The following GBE1 variants were observed in gnomAD, a reference collection of about 807,000 sequenced individuals.
GBE1 encodes the protein 1,4-alpha-glucan branching enzyme 1, also known as 1,4-alpha-glucan-branching enzyme.
GBE1 carries 70 observed loss-of-function variants against 88.8 expected under a neutral mutation model. The observed-to-expected ratio is 0.79, with a 90% CI of 0.65 to 0.96. GBE1 has a LOEUF of 0.96. GBE1 is among the 40% of genes least tolerant of loss of function. GBE1 has a pLI of 0.00. For missense variants in GBE1, 872 were observed against 871.0 expected (o/e 1.00, Z -0.01); for synonymous variants, 284 against 300.1 (o/e 0.95, Z 0.56).
intron 12 of GBE1, among the ~76,000 whole-genome samples, chr3:81,555,574 G>A (rs974212519): frequency 6.6e-6 from 1 of 152,106 alleles, no homozygotes; most frequent in African/African-American, 2.4e-5. Context: ...TTCACACCTG[G>A]CTGAGTAAAG....
At chr3:81,562,498 A>G (rs1343340801) in intron 12 of GBE1, among the ~76,000 whole-genome samples, 1 of 152,068 alleles carries the variant, frequency 6.6e-6, no homozygotes, top group Non-Finnish European at 1.5e-5. Flanking sequence ...TCCTTTATAA[A>G]TCTGAAAGCC....
At chr3:81,674,579 A>C (rs1252825658) in intron 2 of GBE1, among the ~76,000 whole-genome samples, 1 of 151,940 alleles carries the variant, frequency 6.6e-6, no homozygotes, top group African/African-American at 2.4e-5. Context: ...AAAACACAGA[A>C]GGCAAAATAA....
At chr3:81,619,461 A>T (rs1237566842) in intron 7 of GBE1, among the ~76,000 whole-genome samples, 1 of 152,142 alleles carries the variant, frequency 6.6e-6, no homozygotes, top group Non-Finnish European at 1.5e-5. Context: ...CTAATTTTTT[A>T]AAACTGACAA....
At chr3:81,600,691 T>G (rs1384330124) in intron 7 of GBE1, among the ~76,000 whole-genome samples, 1 of 152,120 alleles carries the variant, frequency 6.6e-6, no homozygotes, top group Non-Finnish European at 1.5e-5. Context: ...TAGGACAATA[T>G]TCAAGGAAAA....
At chr3:81,628,945 T>C (rs1031416497) in intron 7 of GBE1, among the ~76,000 whole-genome samples, 3 of 149,562 alleles carry the variant, frequency 2.0e-5, no homozygotes, top group Admixed American at 2.0e-4. Flanking sequence ...GGCTGACAAA[T>C]TGGTGATTTT....
At chr3:81,699,876 C>T (rs1705662015) in intron 2 of GBE1, among the ~76,000 whole-genome samples, 1 of 152,192 alleles carries the variant, frequency 6.6e-6, no homozygotes, top group Non-Finnish European at 1.5e-5. Flanking sequence ...CACAAGCCTC[C>T]ATAAAAGATG....
chr3:81,690,549 T>A (rs575568713), intron 2 of GBE1, among the ~76,000 whole-genome samples: 1 of 152,310 alleles, frequency 6.6e-6, no homozygotes, highest in East Asian at 1.9e-4. Flanking sequence ...AAAACTACAA[T>A]AGTAAATTTT....
intron 7 of GBE1, among the ~76,000 whole-genome samples, chr3:81,609,615 G>T (rs950640314): frequency 6.6e-5 from 10 of 151,606 alleles, no homozygotes; most frequent in Non-Finnish European, 1.5e-5. Flanking sequence ...TATTTTGCTT[G>T]TTATTGATAT....
rs1704844399 is a variant in GBE1 at position 81,651,079 on chromosome 3, T to A, written c.430-1158A>T. On this transcript the variant is annotated intron_variant, in intron 3 of 15. Coordinates refer to ENST00000429644, the MANE Select transcript of GBE1 (RefSeq NM_000158.4). ...GATTAAAAGCTATATTATGTCCTCA[T>A]CATTGAGGAGAACGTATTCTTCAGT... Among the ~76,000 whole-genome samples the A allele has an allele frequency of 2.6e-5, 4 of 152,380 alleles. No individual in the cohort carries two copies. In the South Asian group the frequency reaches 8.3e-4, roughly 32 times the overall value.
intron 2 of GBE1, among the ~76,000 whole-genome samples, chr3:81,685,821 A>G (rs955446273): frequency 2.0e-5 from 3 of 152,248 alleles, no homozygotes; most frequent in Admixed American, 2.0e-4. Flanking sequence ...ACAACAATGA[A>G]GAAAACCTCT....
At chr3:81,555,655 A>G (rs1456045582) in intron 12 of GBE1, among the ~76,000 whole-genome samples, 9 of 152,170 alleles carry the variant, frequency 5.9e-5, no homozygotes, top group Non-Finnish European at 1.2e-4. Flanking sequence ...ATGACATGTA[A>G]TAATCTGATC....
chr3:81,678,558 G>C (rs534765438), intron 2 of GBE1, among the ~76,000 whole-genome samples: 2 of 152,206 alleles, frequency 1.3e-5, no homozygotes, highest in Admixed American at 1.3e-4. Flanking sequence ...TCAAGAAACA[G>C]TATTTATACT....
intron 12 of GBE1, among the ~76,000 whole-genome samples, chr3:81,538,578 G>A (rs1189146452): frequency 6.6e-6 from 1 of 151,946 alleles, no homozygotes; most frequent in Non-Finnish European, 1.5e-5. Context: ...TATATTTAAA[G>A]GTCCTGTCTA....
At chr3:81,628,879 T>G (rs1034791260) in intron 7 of GBE1, among the ~76,000 whole-genome samples, 8 of 149,034 alleles carry the variant, frequency 5.4e-5, no homozygotes, top group Admixed American at 3.4e-4. Context: ...CACTTATGCC[T>G]GAGTCATATT....
intron 2 of GBE1, among the ~76,000 whole-genome samples, chr3:81,678,871 C>A (rs1219239869): frequency 6.6e-6 from 1 of 151,994 alleles, no homozygotes. Context: ...CAATCTGACT[C>A]TAGACTGAAT....
chr3:81,694,549 A>G (rs1327083577), intron 2 of GBE1, among the ~76,000 whole-genome samples: 3 of 152,180 alleles, frequency 2.0e-5, no homozygotes, highest in Non-Finnish European at 4.4e-5. Flanking sequence ...GCTACCCACT[A>G]AACCAACTCA....
At chr3:81,584,336 A>G (rs1703770023) in intron 10 of GBE1, among the ~76,000 whole-genome samples, 1 of 152,088 alleles carries the variant, frequency 6.6e-6, no homozygotes, top group Non-Finnish European at 1.5e-5. Context: ...CACAGGCCAT[A>G]TACATTCTGA....
At chr3:81,669,322 A>G (rs1020701675) in intron 3 of GBE1, among the ~76,000 whole-genome samples, 3 of 152,242 alleles carry the variant, frequency 2.0e-5, no homozygotes, top group Non-Finnish European at 2.9e-5. Flanking sequence ...AAAAGGAAAC[A>G]GGCAGAAAAA....
chr3:81,649,853 A>G lies in GBE1; in HGVS notation c.498T>C (p.Arg166=), dbSNP rs747893266. Residue 166 remains arginine, a synonymous_variant, in exon 4 of 16, where the codon CGT becomes CGC. Coordinates refer to ENST00000429644, the MANE Select transcript of GBE1 (RefSeq NM_000158.4). ...RISPWAKYVV[R]EGDNVNYDWI... is the part of the protein sequence containing the mutation. ...AATCATAATTCACATTATCACCTTC[A>G]CGAACCACATACTTTGCCCACGGTG... 1 of 1,611,744 alleles carries G rather than the reference A, an allele frequency of 6.2e-7. No homozygotes were observed. Among genetic ancestry groups the G allele is most frequent in the African/African-American group, 1.3e-5 (1 of 74,980 alleles).
Sources: allele counts gnomAD v4.1 joint callset (sites outside exome capture counted in the v4.1 genomes callset), GRCh38; gene constraint gnomAD v4.1.1; transcripts MANE v1.5; gene names NCBI Gene and HGNC (gene_info 2026-07-23, HGNC 2026-07-21).